Variants in MDFIC observed in about 807,000 individuals in gnomAD.
MDFIC encodes MyoD family inhibitor domain containing, also known as myoD family inhibitor domain-containing protein.
In MDFIC, 17 loss-of-function variants were observed where a neutral mutation model predicts 23.2. The ratio of observed to expected loss-of-function variants is 0.73; its 90% CI spans 0.50 to 1.10. The LOEUF (loss-of-function observed/expected upper bound fraction) is 1.10. Among genes scored for constraint, MDFIC ranks in the 50% least tolerant of loss-of-function variants. The pLI is 0.00. For synonymous variants in MDFIC, 120 were observed against 115.2 expected, an observed-to-expected ratio of 1.04 and a Z score of -0.27; for missense variants, 356 against 316.6, an observed-to-expected ratio of 1.12 and a Z score of -0.95.
At chr7:115,003,861 C>G (rs1325798811) in intron 4 of MDFIC, among the ~76,000 whole-genome samples, 1 of 152,150 alleles carries the variant, frequency 6.6e-6, no homozygotes, top group Admixed American at 6.5e-5. Flanking sequence ...CTCCATCTTA[C>G]AAATCTGAAT....
chr7:114,974,924 T>C (rs967965608), intron 3 of MDFIC, among the ~76,000 whole-genome samples: 3 of 152,090 alleles, frequency 2.0e-5, no homozygotes, highest in African/African-American at 7.2e-5. Context: ...AGCAATGTTT[T>C]TTTTTTTTAA....
chr7:115,010,658 T>G (rs944150951), intron 4 of MDFIC, among the ~76,000 whole-genome samples: 32 of 152,212 alleles, frequency 2.1e-4, no homozygotes, highest in Admixed American at 6.5e-5. Context: ...GCTTTTCTAG[T>G]AAATTATAAA....
chr7:114,944,022 T>A (rs1351559704), intron 3 of MDFIC, among the ~76,000 whole-genome samples: 1 of 152,228 alleles, frequency 6.6e-6, no homozygotes, highest in Non-Finnish European at 1.5e-5. Context: ...AAGCTCATAT[T>A]AGTCATAGAA....
At chr7:115,008,374 A>G (rs1791614271) in intron 4 of MDFIC, among the ~76,000 whole-genome samples, 1 of 151,754 alleles carries the variant, frequency 6.6e-6, no homozygotes, top group Admixed American at 6.6e-5. Flanking sequence ...TCAATTTCCC[A>G]AAGTATGGTG....
intron 3 of MDFIC, among the ~76,000 whole-genome samples, chr7:114,969,221 A>G (rs1419514680): frequency 1.3e-5 from 2 of 152,200 alleles, no homozygotes; most frequent in African/African-American, 4.8e-5. Context: ...TTATGCTTTT[A>G]CAGCAATTCC....
Position 114,922,512 on chromosome 7 carries a change from C to T in MDFIC, c.-232C>T. On this transcript the variant is annotated 5_prime_UTR_variant, in exon 1 of 5. Coordinates refer to ENST00000393486, the MANE Select transcript of MDFIC (RefSeq NM_001166345.3). ...AGGCGGGAGGACGCGCAGGGGCGGCCGCCGCCGTCGTCAGGCCACCGGGGC... is the reference window on the plus strand; with the variant it reads ...AGGCGGGAGGACGCGCAGGGGCGGCTGCCGCCGTCGTCAGGCCACCGGGGC... The T allele has an allele frequency of 8.0e-7, 1 of 1,256,754 alleles. No individual in the cohort carries two copies. The highest frequency in any genetic ancestry group is 1.0e-6 in the Non-Finnish European group (1 of 994,494). The allele number at this position is 1,256,754 out of a possible 1,614,324, so 77.9% of individuals were successfully genotyped here. A position where few individuals can be genotyped will look rare whatever the true frequency, so the allele number is the denominator to read the frequency against.
chr7:114,992,357 A>G (rs1198961180), intron 4 of MDFIC, among the ~76,000 whole-genome samples: 2 of 131,688 alleles, frequency 1.5e-5, no homozygotes, highest in African/African-American at 5.8e-5. Context: ...CTCCTGCCTG[A>G]TTGCCCTGGC....
intron 4 of MDFIC, among the ~76,000 whole-genome samples, chr7:114,996,615 G>A (rs570884267): frequency 6.6e-6 from 1 of 152,288 alleles, no homozygotes; most frequent in African/African-American, 2.4e-5. Flanking sequence ...AGTTTTCAAG[G>A]TGCAGAATGT....
At chr7:114,957,209 G>T (rs1037032422) in intron 3 of MDFIC, among the ~76,000 whole-genome samples, 1 of 151,988 alleles carries the variant, frequency 6.6e-6, no homozygotes, top group South Asian at 2.1e-4. Context: ...ATATTACATC[G>T]AAATCAAGGT....
chr7:115,003,567 C>G (rs1443932631), intron 4 of MDFIC, among the ~76,000 whole-genome samples: 1 of 152,098 alleles, frequency 6.6e-6, no homozygotes, highest in Non-Finnish European at 1.5e-5. Context: ...CCTGTCTGAC[C>G]CCACTGGCAC....
chr7:114,961,251 A>T (rs1192118081), intron 3 of MDFIC, among the ~76,000 whole-genome samples: 3 of 152,176 alleles, frequency 2.0e-5, no homozygotes, highest in Non-Finnish European at 4.4e-5. Flanking sequence ...AATGATGGCC[A>T]TGAACCAGAG....
chr7:115,014,395 T>A, intron 4 of MDFIC: 1 of 1,289,154 alleles, frequency 7.8e-7, no homozygotes, highest in Admixed American at 2.3e-5. Flanking sequence ...GAGAAGCGCA[T>A]GATTTTTTAT....
chr7:114,944,561 T>C (rs1792608613), intron 3 of MDFIC, among the ~76,000 whole-genome samples: 1 of 152,216 alleles, frequency 6.6e-6, no homozygotes, highest in Non-Finnish European at 1.5e-5. Flanking sequence ...GAAAGTTTTG[T>C]ATTGTGGTAG....
intron 4 of MDFIC, among the ~76,000 whole-genome samples, chr7:114,984,461 T>C (rs1376581692): frequency 6.6e-6 from 1 of 152,184 alleles, no homozygotes; most frequent in Non-Finnish European, 1.5e-5. Flanking sequence ...AAATGTGTGC[T>C]CATATTCACC....
intron 4 of MDFIC, among the ~76,000 whole-genome samples, chr7:115,005,647 G>A (rs1244813086): frequency 3.3e-5 from 5 of 152,128 alleles, no homozygotes; most frequent in Non-Finnish European, 7.4e-5. Flanking sequence ...AGAAAACTAG[G>A]TTTATCTGTT....
intron 3 of MDFIC, among the ~76,000 whole-genome samples, chr7:114,948,773 CT>C (rs1792702339): frequency 6.6e-6 from 1 of 151,952 alleles, no homozygotes; most frequent in Non-Finnish European, 1.5e-5. Context: ...TAATAAATTC[CT>C]TCTCATATTT....
At chr7:115,007,658 T>TA (rs1791598681) in intron 4 of MDFIC, among the ~76,000 whole-genome samples, 2 of 115,180 alleles carry the variant, frequency 1.7e-5, no homozygotes, top group African/African-American at 6.9e-5. Flanking sequence ...ATATATATAT[T>TA]TATATTTCCT....
intron 4 of MDFIC, among the ~76,000 whole-genome samples, chr7:115,013,360 C>T (rs1463619956): frequency 1.3e-5 from 2 of 152,162 alleles, no homozygotes; most frequent in Admixed American, 6.5e-5. Context: ...GACATTCTTT[C>T]CCCTTTAAAA....
intron 4 of MDFIC, among the ~76,000 whole-genome samples, chr7:114,988,180 T>G (rs941081276): frequency 6.6e-6 from 1 of 152,120 alleles, no homozygotes; most frequent in Non-Finnish European, 1.5e-5. Flanking sequence ...GCAAATTAAA[T>G]TAGCTCAGCA....
Sources: gnomAD v4.1 joint callset for allele counts (sites outside exome capture counted in the v4.1 genomes callset) on GRCh38, gnomAD v4.1.1 for gene constraint, MANE v1.5 for transcripts, NCBI Gene and HGNC (gene_info 2026-07-23, HGNC 2026-07-21) for gene names.